The following CCDC144A variants were observed in gnomAD, a reference collection of about 807,000 sequenced individuals.
The protein encoded by CCDC144A is coiled-coil domain-containing protein 144A.
In CCDC144A, 41 loss-of-function variants were observed where a neutral mutation model predicts 143.8. The ratio of observed to expected loss-of-function variants is 0.29; its 90% CI spans 0.22 to 0.37. The LOEUF (loss-of-function observed/expected upper bound fraction) is 0.37. Among genes scored for constraint, CCDC144A ranks in the 10% least tolerant of loss-of-function variants. The pLI, the probability that CCDC144A is intolerant of heterozygous loss-of-function variation, is 1.00. For missense variants in CCDC144A, 637 were observed against 1,488.8 expected (o/e 0.43, Z 9.41); for synonymous variants, 242 against 517.9 (o/e 0.47, Z 7.23).
chr17:16,702,674 T>C (rs1245703526), intron 2 of CCDC144A, among the ~76,000 whole-genome samples: 2 of 151,626 alleles, frequency 1.3e-5, no homozygotes, highest in Non-Finnish European at 2.9e-5. Context: ...ACCCTAGATA[T>C]GCAGTGTCAG....
At chr17:16,733,813 G>A (rs1045387119) in intron 11 of CCDC144A, among the ~76,000 whole-genome samples, 3 of 152,112 alleles carry the variant, frequency 2.0e-5, no homozygotes, top group Non-Finnish European at 4.4e-5. Context: ...TCAGAATTGT[G>A]TATAAATGAG....
the CCDC144A span, chr17:16,683,952 C>T: frequency 2.0e-5 from 24 of 1,205,000 alleles, no homozygotes; most frequent in African/African-American, 3.0e-5. Context: ...TACTGGGGGC[C>T]GGGCTATCCT....
At chr17:16,719,348 T>C (rs1255868299) in intron 6 of CCDC144A, among the ~76,000 whole-genome samples, 1 of 152,112 alleles carries the variant, frequency 6.6e-6, no homozygotes, top group Non-Finnish European at 1.5e-5. Context: ...TTTTTGAAAG[T>C]AGGTTTCTAA....
At chr17:16,747,176 T>C (rs184213963) in intron 12 of CCDC144A, among the ~76,000 whole-genome samples, 3 of 152,224 alleles carry the variant, frequency 2.0e-5, no homozygotes, top group African/African-American at 7.2e-5. Flanking sequence ...CCTTTCCCCA[T>C]TGCATATTTG....
At chr17:16,706,736 T>C (rs1912085196) in intron 3 of CCDC144A, 1 of 151,846 alleles carries the variant, frequency 6.6e-6, no homozygotes, top group African/African-American at 2.4e-5. Context: ...ATAATGACTC[T>C]TTGTACAAAG....
chr17:16,686,358 T>C (rs1031447790), upstream of CCDC144A, among the ~76,000 whole-genome samples: 2 of 152,174 alleles, frequency 1.3e-5, no homozygotes, highest in African/African-American at 4.8e-5. Context: ...CATTTTTGTC[T>C]GTATCCTGCT....
chr17:16,724,739 GT>G (rs967032717), intron 8 of CCDC144A, among the ~76,000 whole-genome samples: 1 of 128,060 alleles, frequency 7.8e-6, no homozygotes, highest in African/African-American at 2.9e-5. Flanking sequence ...TTTTGAAGCT[GT>G]TATTAGGTGC....
chr17:16,680,534 C>A, the CCDC144A span, among the ~76,000 whole-genome samples: 5 of 142,160 alleles, frequency 3.5e-5, no homozygotes, highest in South Asian at 2.3e-4. Context: ...GGCAACAGAG[C>A]AAAACCTGAA....
At chr17:16,731,238 A>G (rs1351854501) in intron 9 of CCDC144A, 1 of 152,278 alleles carries the variant, frequency 6.6e-6, no homozygotes, top group Non-Finnish European at 1.5e-5. Flanking sequence ...CATAAAAAGG[A>G]TGGGGTAACA....
intron 12 of CCDC144A, chr17:16,745,960 T>C: frequency 6.2e-7 from 1 of 1,607,158 alleles, no homozygotes; most frequent in Non-Finnish European, 8.5e-7. Context: ...GCTCTGTGCC[T>C]CCTGCCGTCA....
the CCDC144A span, among the ~76,000 whole-genome samples, chr17:16,675,036 A>G: frequency 9.2e-5 from 14 of 152,186 alleles, 1 homozygote; most frequent in South Asian, 2.9e-3. Context: ...TGGGAGGCTG[A>G]GGTGAATGGA....
chr17:16,676,433 C>T, the CCDC144A span, among the ~76,000 whole-genome samples: 6 of 151,390 alleles, frequency 4.0e-5, no homozygotes, highest in Non-Finnish European at 7.4e-5. Flanking sequence ...ATGGTGTGAA[C>T]CTGGGAGGCA....
rs1300575475 is a variant in CCDC144A at position 16,739,572 on chromosome 17, G to C, written c.3372+3929G>C. Among the ~76,000 whole-genome samples, 7 of 147,184 alleles carry C rather than the reference G, an allele frequency of 4.8e-5. No homozygotes were observed. In the East Asian group the frequency reaches 1.4e-3, roughly 30 times the overall value. ...TTCTTACATTTAGTGGTTCTATTTT[G>C]TTACTTTTAGGTATGACATTTGGTG... is the stretch of plus-strand genomic sequence containing the variant. On this transcript the variant is annotated intron_variant, in intron 12 of 16. Transcript: ENST00000399273.
intron 12 of CCDC144A, chr17:16,745,896 C>T (rs1267641612): frequency 2.5e-6 from 4 of 1,597,020 alleles, no homozygotes; most frequent in African/African-American, 2.7e-5. Flanking sequence ...AGGTCCTTTC[C>T]CCCATCTCTG....
chr17:16,697,510 A>C (rs1318533642), intron 2 of CCDC144A, among the ~76,000 whole-genome samples: 1 of 152,258 alleles, frequency 6.6e-6, no homozygotes, highest in Non-Finnish European at 1.5e-5. Context: ...TGCATTTATC[A>C]GAGCTATAGT....
intron 12 of CCDC144A, among the ~76,000 whole-genome samples, chr17:16,742,697 T>G (rs1385493980): frequency 6.6e-6 from 1 of 152,216 alleles, no homozygotes; most frequent in Non-Finnish European, 1.5e-5. Context: ...CTCTCCAACC[T>G]CGCCAGGATT....
upstream of CCDC144A, among the ~76,000 whole-genome samples, chr17:16,685,978 C>T (rs1910763404): frequency 7.0e-6 from 1 of 143,828 alleles, no homozygotes; most frequent in Non-Finnish European, 1.5e-5. Context: ...GAGAGGGTTT[C>T]ATCATGTTGC....
the CCDC144A span, among the ~76,000 whole-genome samples, chr17:16,676,473 G>A: frequency 0.12 from 17,670 of 150,314 alleles, 1,256 homozygotes; most frequent in East Asian, 0.32. Flanking sequence ...ATGGGGCCAC[G>A]GCACTCCAGC....
Position 16,690,290 on chromosome 17 carries a change from G to A in CCDC144A, c.-111G>A. The A allele has an allele frequency of 1.3e-6, 1 of 784,126 alleles. No homozygotes were observed. The highest frequency in any genetic ancestry group is 3.0e-5 in the Admixed American group (1 of 33,570). The allele number at this position is 784,126 out of a possible 1,614,324, so 48.6% of individuals were successfully genotyped here. A position where few individuals can be genotyped will look rare whatever the true frequency, so the allele number is the denominator to read the frequency against. ...TGGCGGTGGTCGCTTGGCTTGGCGT[G>A]GCAGTGATCGCTTGGCTTGGCATTT... On this transcript the variant is annotated 5_prime_UTR_variant, in exon 1 of 17. Transcript: ENST00000399273.
Sources: allele counts gnomAD v4.1 joint callset (sites outside exome capture counted in the v4.1 genomes callset), GRCh38; gene constraint gnomAD v4.1.1; transcripts MANE v1.5; gene names NCBI Gene and HGNC (gene_info 2026-07-23, HGNC 2026-07-21).